NRXN3: variants seen among roughly 807,000 people sequenced by gnomAD.
NRXN3 encodes neurexin 3.
A neutral mutation model predicts 137.6 loss-of-function variants in NRXN3; 32 were observed. The observed-to-expected ratio is 0.23, with a 90% CI of 0.18 to 0.31. The LOEUF (loss-of-function observed/expected upper bound fraction) is 0.31. Among genes scored for constraint, NRXN3 ranks in the 10% least tolerant of loss-of-function variants. The pLI is 1.00. For missense variants in NRXN3, 1,574 were observed against 2,062.5 expected (o/e 0.76, Z 4.59); for synonymous variants, 798 against 784.5 (o/e 1.02, Z -0.29).
intron 15 of NRXN3, among the ~76,000 whole-genome samples, chr14:79,256,195 A>T (rs976377607): frequency 4.7e-5 from 7 of 150,536 alleles, no homozygotes; most frequent in African/African-American, 1.2e-4. Context: ...TCTCTCTCAC[A>T]CACACACACA....
chr14:79,081,207 C>T (rs2046923465), intron 15 of NRXN3, among the ~76,000 whole-genome samples: 1 of 152,138 alleles, frequency 6.6e-6, no homozygotes, highest in Admixed American at 6.5e-5. Flanking sequence ...TGTAGGTGCA[C>T]ATACTAAAAC....
intron 4 of NRXN3, among the ~76,000 whole-genome samples, chr14:78,514,091 T>G (rs1041158565): frequency 1.3e-5 from 2 of 152,084 alleles, no homozygotes; most frequent in African/African-American, 4.8e-5. Flanking sequence ...TTCATATTCT[T>G]TTATGATTTG....
chr14:78,777,902 A>G lies in NRXN3; in HGVS notation c.2045-25718A>G, dbSNP rs557061130. On this transcript the variant is annotated intron_variant, in intron 8 of 20. Transcript: ENST00000335750. ...CTTAGCATCCCAAGTAACTGGAACT[A>G]TAGGTGCATGCCACCACTCCGGACT... Among the ~76,000 whole-genome samples, 228 of 152,248 alleles carry G rather than the reference A, an allele frequency of 1.5e-3. 1 individual carries two copies. The highest frequency in any genetic ancestry group is 2.8e-3 in the Non-Finnish European group (191 of 68,024).
At chr14:79,283,837 C>G (rs1429246259) in intron 15 of NRXN3, among the ~76,000 whole-genome samples, 1 of 152,010 alleles carries the variant, frequency 6.6e-6, no homozygotes, top group Admixed American at 6.6e-5. Flanking sequence ...CCGAATAAGA[C>G]ATTGTGGTGT....
intron 16 of NRXN3, among the ~76,000 whole-genome samples, chr14:79,561,594 A>T (rs2097498379): frequency 6.6e-6 from 1 of 152,018 alleles, no homozygotes; most frequent in African/African-American, 2.4e-5. Flanking sequence ...TATACACATT[A>T]CTGTTATTTT....
intron 16 of NRXN3, among the ~76,000 whole-genome samples, chr14:79,617,952 C>A (rs6574513): frequency 0.063 from 8,707 of 137,630 alleles, 1,016 homozygotes; most frequent in African/African-American, 0.24. Flanking sequence ...GAAGAGCTGC[C>A]TAGTGAAAAT....
chr14:79,422,778 C>A (rs976745213), intron 15 of NRXN3, among the ~76,000 whole-genome samples: 5 of 149,846 alleles, frequency 3.3e-5, no homozygotes, highest in African/African-American at 1.2e-4. Context: ...CGGCTCACTG[C>A]AACCTCCGCC....
At chr14:78,967,508 TC>T in intron 13 of NRXN3, 110 bp downstream of exon 13, 1 of 736,254 alleles carries the variant, frequency 1.4e-6, no homozygotes, top group Non-Finnish European at 2.3e-6. Context: ...TGATACATCA[TC>T]CATATCCTGT....
chr14:78,904,671 T>A (rs1184436308), intron 10 of NRXN3, among the ~76,000 whole-genome samples: 2 of 152,038 alleles, frequency 1.3e-5, no homozygotes, highest in African/African-American at 4.8e-5. Flanking sequence ...TCCAGTAAAT[T>A]CAAAGTAACT....
At chr14:79,477,161 T>C (rs952597769) in intron 16 of NRXN3, among the ~76,000 whole-genome samples, 2 of 151,920 alleles carry the variant, frequency 1.3e-5, no homozygotes, top group African/African-American at 4.8e-5. Context: ...AGATTTTGAC[T>C]AGTGGAATCT....
At position 78,828,404 on chromosome 14, in the gene NRXN3, T is replaced by C. The variant is rs557420402; in HGVS notation, c.2275+18060T>C. 3.3e-5 allele frequency among the ~76,000 whole-genome samples: 5 copies of C among 152,344 alleles called. No individual in the cohort carries two copies. The East Asian group carries it at 9.6e-4, about 29-fold the overall frequency. ...GGTGGTCCACTCTAAAGTGTCCATA[T>C]AGAAGTTGGCTAACTTTTTCTGTAG... is the stretch of plus-strand genomic sequence containing the variant. On this transcript the variant is annotated intron_variant, in intron 10 of 20. Transcript: ENST00000335750.
At chr14:79,768,676 T>A (rs1395757941) in intron 19 of NRXN3, among the ~76,000 whole-genome samples, 4 of 151,904 alleles carry the variant, frequency 2.6e-5, no homozygotes, top group Admixed American at 1.3e-4. Context: ...ATGGGGAAAA[T>A]ACAGAGCAGA....
At chr14:79,235,109 CT>C (rs2073144931) in intron 15 of NRXN3, among the ~76,000 whole-genome samples, 1 of 152,044 alleles carries the variant, frequency 6.6e-6, no homozygotes, top group African/African-American at 2.4e-5. Context: ...TCTGCCAGTT[CT>C]GTTAGTCTTC....
Position 79,855,424 on chromosome 14 carries a change from C to T in NRXN3, c.4094-5918C>T, listed in dbSNP as rs75444833. 2.8e-3 allele frequency among the ~76,000 whole-genome samples: 425 copies of T among 152,170 alleles called. 4 individuals carry two copies. The highest frequency in any genetic ancestry group is 0.024 in the East Asian group (124 of 5,186). The stretch of plus-strand genomic sequence containing the variant: ...TGGGCTCTCTCTACCTCAGTTTATG[C>T]GATTTTGTGTTGTTTGACATGCTGG... On this transcript the variant is annotated intron_variant, in intron 20 of 20. Coordinates refer to ENST00000335750, the MANE Select transcript of NRXN3 (RefSeq NM_001330195.2).
At chr14:78,980,725 G>A (rs1319169570) in intron 14 of NRXN3, among the ~76,000 whole-genome samples, 2 of 152,106 alleles carry the variant, frequency 1.3e-5, no homozygotes, top group South Asian at 2.1e-4. Context: ...GGAATGAGAT[G>A]CAATTTCATG....
chr14:79,685,325 A>C (rs1049972048), intron 17 of NRXN3, among the ~76,000 whole-genome samples: 1 of 152,198 alleles, frequency 6.6e-6, no homozygotes, highest in Non-Finnish European at 1.5e-5. Flanking sequence ...GCACTAAGAC[A>C]TGGCTAAAAC....
intron 15 of NRXN3, among the ~76,000 whole-genome samples, chr14:79,174,585 A>G (rs901613502): frequency 2.0e-5 from 3 of 150,600 alleles, no homozygotes; most frequent in Non-Finnish European, 3.0e-5. Flanking sequence ...TAAAAATACC[A>G]GTATCTAGCT....
intron 17 of NRXN3, among the ~76,000 whole-genome samples, chr14:79,665,248 G>T (rs779592258): frequency 6.6e-6 from 1 of 152,168 alleles, no homozygotes; most frequent in African/African-American, 2.4e-5. Context: ...GACCCCCAAG[G>T]TATTGAGGCA....
intron 4 of NRXN3, among the ~76,000 whole-genome samples, chr14:78,376,011 CACACACACAT>C (rs979064550): frequency 3.6e-4 from 53 of 148,982 alleles, no homozygotes; most frequent in Admixed American, 6.1e-4. Context: ...GATACACACA[CACACACACAT>C]ACACACACAC....
Sources: gnomAD v4.1 joint callset for allele counts (sites outside exome capture counted in the v4.1 genomes callset) on GRCh38, gnomAD v4.1.1 for gene constraint, MANE v1.5 for transcripts, NCBI Gene and HGNC (gene_info 2026-07-23, HGNC 2026-07-21) for gene names.